Variants in SDK2 observed in about 807,000 individuals in gnomAD.
SDK2 encodes the protein protein sidekick-2.
A neutral mutation model predicts 253.9 loss-of-function variants in SDK2; 105 were observed. The ratio of observed to expected loss-of-function variants is 0.41; its 90% CI spans 0.35 to 0.49. The LOEUF (loss-of-function observed/expected upper bound fraction) is 0.49, where lower values mean the gene tolerates loss of function less well. Ranked by LOEUF, SDK2 falls within the 20% of genes least tolerant of loss-of-function variation. SDK2 has a pLI of 0.06. For synonymous variants in SDK2, 1,249 were observed against 1,234.9 expected (o/e 1.01, Z -0.24); for missense variants, 2,608 against 3,003.0 (o/e 0.87, Z 3.07).
chr17:73,492,604 G>C (rs961009824), intron 2 of SDK2, among the ~76,000 whole-genome samples: 1 of 152,144 alleles, frequency 6.6e-6, no homozygotes, highest in African/African-American at 2.4e-5. Context: ...GGGGCTGCCA[G>C]TTAGAGCCAA....
chr17:73,404,034 C>T (rs1378549755), intron 18 of SDK2, among the ~76,000 whole-genome samples: 1 of 152,088 alleles, frequency 6.6e-6, no homozygotes, highest in East Asian at 1.9e-4. Context: ...TAAGCTCTAC[C>T]ATTTTTTTTA....
chr17:73,544,385 G>A (rs910519351), intron 1 of SDK2, among the ~76,000 whole-genome samples: 6 of 152,182 alleles, frequency 3.9e-5, no homozygotes, highest in Admixed American at 1.3e-4. Flanking sequence ...ACTGAGCTCC[G>A]TGAGGACAGG....
intron 40 of SDK2, among the ~76,000 whole-genome samples, chr17:73,355,890 T>G (rs972272087): frequency 6.6e-6 from 1 of 152,204 alleles, no homozygotes; most frequent in African/African-American, 2.4e-5. Flanking sequence ...AAATCCATTT[T>G]CCTCACATGC....
chr17:73,613,905 G>C (rs2046013257), intron 1 of SDK2, among the ~76,000 whole-genome samples: 1 of 152,266 alleles, frequency 6.6e-6, no homozygotes, highest in South Asian at 2.1e-4. Flanking sequence ...GGACCTTTGA[G>C]CAGTCAAAGG....
intron 1 of SDK2, among the ~76,000 whole-genome samples, chr17:73,523,375 T>A (rs1010650276): frequency 6.6e-6 from 1 of 152,016 alleles, no homozygotes. Flanking sequence ...TGAATTGCAC[T>A]GAAGTCCTAA....
At position 73,570,883 on chromosome 17, in the gene SDK2, C is replaced by A. The variant is rs917409719; in HGVS notation, c.65-63286G>T. 6.6e-6 allele frequency among the ~76,000 whole-genome samples: 1 copy of A among 152,148 alleles called. No homozygotes were observed. The highest frequency in any genetic ancestry group is 1.5e-5 in the Non-Finnish European group (1 of 68,036). The stretch of plus-strand genomic sequence containing the variant: ...CATGGCTGACCTCACATGCTCTGTG[C>A]CCCCTTTAGGGTCTCTGCTCCCCTA... On this transcript the variant is annotated intron_variant, in intron 1 of 44. Transcript: ENST00000392650. The surrounding 1 kb of genome is among the most constrained non-coding windows in gnomAD (Gnocchi z 4.2).
rs549260191 is a variant in SDK2 at position 73,335,893 on chromosome 17, G to A, written c.*2694C>T. Reference sequence around the variant, plus strand: ...TGTGTGCATGTGTGTAAGCACAGGCGTGCATGGGCACCATCCCGCATGTAC... The same window carrying A: ...TGTGTGCATGTGTGTAAGCACAGGCATGCATGGGCACCATCCCGCATGTAC... On this transcript the variant is annotated 3_prime_UTR_variant, in exon 45 of 45. Coordinates refer to ENST00000392650, the MANE Select transcript of SDK2 (RefSeq NM_001144952.2). The A allele has an allele frequency of 5.9e-5, 9 of 152,490 alleles. No individual in the cohort carries two copies. In the East Asian group the frequency reaches 7.7e-4, roughly 13 times the overall value. The allele number at this position is 152,490 out of a possible 1,614,324, so 9.4% of individuals were successfully genotyped here.
chr17:73,359,480 G>A (rs2062623023), intron 39 of SDK2, among the ~76,000 whole-genome samples: 1 of 152,166 alleles, frequency 6.6e-6, no homozygotes, highest in Non-Finnish European at 1.5e-5. Flanking sequence ...AGGGCAGGCA[G>A]CCCTCAGGAC....
chr17:73,353,065 T>A (rs2062552801), intron 40 of SDK2, among the ~76,000 whole-genome samples: 1 of 150,364 alleles, frequency 6.7e-6, no homozygotes, highest in Non-Finnish European at 1.5e-5. Flanking sequence ...CATTCTGGCC[T>A]GGGCAGCAGA....
At chr17:73,405,845 G>A (rs1330615347) in intron 18 of SDK2, among the ~76,000 whole-genome samples, 1 of 150,986 alleles carries the variant, frequency 6.6e-6, no homozygotes, top group Non-Finnish European at 1.5e-5. Context: ...TCAGCCTCCC[G>A]AGTTGCTGGG....
chr17:73,366,844 C>T (rs944461699), intron 37 of SDK2, among the ~76,000 whole-genome samples: 2 of 152,170 alleles, frequency 1.3e-5, no homozygotes, highest in Admixed American at 6.5e-5. Flanking sequence ...CTCCTCTGCA[C>T]CCGCCACCCT....
chr17:73,501,641 T>C (rs2063892079), intron 2 of SDK2, among the ~76,000 whole-genome samples: 1 of 152,250 alleles, frequency 6.6e-6, no homozygotes, highest in Non-Finnish European at 1.5e-5. Context: ...AGAGGAGTTC[T>C]GCACAGGTGT....
chr17:73,384,052 AC>A, intron 32 of SDK2, 41 bp from the exon 33 acceptor site: 1 of 1,597,786 alleles, frequency 6.3e-7, no homozygotes. Flanking sequence ...CACCTGGACC[AC>A]CACCCACCCC....
intron 1 of SDK2, among the ~76,000 whole-genome samples, chr17:73,582,292 C>T (rs112659593): frequency 2.7e-5 from 4 of 147,082 alleles, no homozygotes; most frequent in East Asian, 2.0e-4. Flanking sequence ...GCGCACACCA[C>T]GCAGGCATCA....
In SDK2 at chr17:73,414,625, G is replaced by A. The variant is rs1260988354; in HGVS notation, c.2484+19C>T. The A allele has an allele frequency of 6.3e-7, 1 of 1,590,696 alleles. No homozygotes were observed. ...AAGATCTTAGGGCCTCCTCTTGGGT[G>A]AGGAGATGCCTCATGTACCTTGTAG... On this transcript the variant is annotated intron_variant, in intron 18 of 44. Coordinates refer to ENST00000392650, the MANE Select transcript of SDK2 (RefSeq NM_001144952.2).
chr17:73,367,999 C>T (rs2062700007), intron 37 of SDK2, among the ~76,000 whole-genome samples: 1 of 152,168 alleles, frequency 6.6e-6, no homozygotes, highest in Non-Finnish European at 1.5e-5. Context: ...ACTGTTGTGT[C>T]CCTAGCATCT....
At chr17:73,414,622 G>C in intron 18 of SDK2, 22 bp downstream of exon 18, 1 of 1,566,062 alleles carries the variant, frequency 6.4e-7, no homozygotes, top group Non-Finnish European at 8.8e-7. Flanking sequence ...CCTCCTCTTG[G>C]GTGAGGAGAT....
In SDK2 at chr17:73,595,031, C is replaced by T. The variant is rs180968245; in HGVS notation, c.64+48994G>A. Among the ~76,000 whole-genome samples, 232 of 152,322 alleles carry T rather than the reference C, an allele frequency of 1.5e-3. 2 individuals carry two copies. The highest frequency in any genetic ancestry group is 5.3e-3 in the African/African-American group (219 of 41,568). On this transcript the variant is annotated intron_variant, in intron 1 of 44. Coordinates refer to ENST00000392650, the MANE Select transcript of SDK2 (RefSeq NM_001144952.2). ...CTGTGGATCACCTCCTCAATCAGAA[C>T]GCCATCACCACGAGAAAAGACTTCG...
intron 1 of SDK2, among the ~76,000 whole-genome samples, chr17:73,566,825 G>T (rs998211498): frequency 6.7e-6 from 1 of 148,616 alleles, no homozygotes; most frequent in African/African-American, 2.5e-5. Flanking sequence ...AACTTCCTAC[G>T]ACTAGATATG....
Sources: allele counts gnomAD v4.1 joint callset (sites outside exome capture counted in the v4.1 genomes callset), GRCh38; gene constraint gnomAD v4.1.1; non-coding constraint Gnocchi (gnomAD v3.1); transcripts MANE v1.5; gene names NCBI Gene and HGNC (gene_info 2026-07-23, HGNC 2026-07-21).